Variants in LMX1B observed in about 807,000 individuals in gnomAD.
The protein encoded by LMX1B is LIM homeobox transcription factor 1 beta, also known as LIM homeobox transcription factor 1-beta.
A neutral mutation model predicts 51.4 loss-of-function variants in LMX1B; 12 were observed. That is an observed-to-expected ratio of 0.23 (90% CI 0.15 to 0.38). The LOEUF (loss-of-function observed/expected upper bound fraction) is 0.38. Among genes scored for constraint, LMX1B ranks in the 10% least tolerant of loss-of-function variants. LMX1B has a pLI of 1.00. For synonymous variants in LMX1B, 237 were observed against 235.4 expected, an observed-to-expected ratio of 1.01 and a Z score of -0.06; for missense variants, 445 against 571.1, an observed-to-expected ratio of 0.78 and a Z score of 2.25.
Position 126,693,654 on chromosome 9 carries a change from G to A in LMX1B, c.819+53G>A, listed in dbSNP as rs115842978. ...GCCCCGGGTAGGGTGGGACTAGAGGGGGCAGCCAGAAGACTACGGTCCAGG... is the reference window on the plus strand; with the variant it reads ...GCCCCGGGTAGGGTGGGACTAGAGGAGGCAGCCAGAAGACTACGGTCCAGG... On this transcript the variant is annotated intron_variant, in intron 5 of 7. Transcript: ENST00000373474. The A allele has an allele frequency of 9.0e-4, 1,448 of 1,610,112 alleles. 13 individuals carry two copies. The African/African-American group carries it at 0.017, about 19-fold the overall frequency.
chr9:126,623,585 C>T (rs1030405791), intron 2 of LMX1B, among the ~76,000 whole-genome samples: 1 of 152,218 alleles, frequency 6.6e-6, no homozygotes, highest in Non-Finnish European at 1.5e-5. Context: ...GATTTCCCCC[C>T]CAGGCGGGTC....
rs1185866012 is a variant in LMX1B, at chr9:126,641,296, C to T, written c.326+25727C>T. On this transcript the variant is annotated intron_variant, in intron 2 of 7. Coordinates refer to ENST00000373474, the MANE Select transcript of LMX1B (RefSeq NM_001174147.2). The surrounding 1 kb of genome is among the most constrained non-coding windows in gnomAD (Gnocchi z 4.1). ...AATTAAAGCTGCTGTTGACTGAACA[C>T]TCTCTGTGTGCTGAGCACTGTACTA... 1 of 152,282 alleles carries T rather than the reference C, an allele frequency of 6.6e-6. No individual in the cohort carries two copies. The highest frequency in any genetic ancestry group is 1.9e-4 in the East Asian group (1 of 5,196). The allele number at this position is 152,282 out of a possible 1,614,324, so 9.4% of individuals were successfully genotyped here.
intron 2 of LMX1B, among the ~76,000 whole-genome samples, chr9:126,674,391 G>C (rs542175326): frequency 3.3e-5 from 5 of 152,182 alleles, no homozygotes; most frequent in South Asian, 4.1e-4. Context: ...GAGGAGGCTG[G>C]GGGGGCATTC....
chr9:126,669,765 T>G (rs3904170), intron 2 of LMX1B, among the ~76,000 whole-genome samples: 151,746 of 152,222 alleles, frequency 1, 75,637 homozygotes, highest in East Asian at 1. Context: ...GATGAGGGCT[T>G]GGGTCAGTTG....
At position 126,671,690 on chromosome 9, in the gene LMX1B, C is replaced by T. The variant is rs546001778; in HGVS notation, c.327-19146C>T. On this transcript the variant is annotated intron_variant, in intron 2 of 7. Transcript: ENST00000373474. The surrounding 1 kb of genome is among the most constrained non-coding windows in gnomAD (Gnocchi z 4.4). ...GTCAGCGGGCCTGCCCTGTGCCGAG[C>T]GGTGGAATTTTTCAATAACCAGCAG... is the stretch of plus-strand genomic sequence containing the variant. Among the ~76,000 whole-genome samples, 144 of 152,166 alleles carry T rather than the reference C, an allele frequency of 9.5e-4. No individual in the cohort carries two copies. The highest frequency in any genetic ancestry group is 1.6e-3 in the Non-Finnish European group (111 of 67,986).
chr9:126,657,114 A>C lies in LMX1B; in HGVS notation c.327-33722A>C, dbSNP rs543116572. On this transcript the variant is annotated intron_variant, in intron 2 of 7. Coordinates refer to ENST00000373474, the MANE Select transcript of LMX1B (RefSeq NM_001174147.2). ...TAAGCAGCACTTGTGCAATTTTTTC[A>C]ATATTTTATTGCATTTTGTTCTGAG... Among the ~76,000 whole-genome samples the C allele has an allele frequency of 6.6e-5, 10 of 152,336 alleles. No individual in the cohort carries two copies. In the South Asian group the frequency reaches 2.1e-3, roughly 32 times the overall value.
In LMX1B at chr9:126,693,137, C is replaced by A. The variant is rs759096806; in HGVS notation, c.560-5C>A. 1 of 1,565,936 alleles carries A rather than the reference C, an allele frequency of 6.4e-7. No homozygotes were observed. The highest frequency in any genetic ancestry group is 1.9e-5 in the Admixed American group (1 of 52,754). ...TCATCACAGGCCGGGTTGTGTCCCC[C>A]ACAGTGAAGAGCGAGGATGAAGATG... is the stretch of plus-strand genomic sequence containing the variant. On this transcript the variant is annotated splice_region_variant and splice_polypyrimidine_tract_variant and intron_variant, in intron 3 of 7. Transcript: ENST00000373474.
chr9:126,627,900 C>T (rs144899999), intron 2 of LMX1B, among the ~76,000 whole-genome samples: 397 of 152,276 alleles, frequency 2.6e-3, no homozygotes, highest in Non-Finnish European at 4.4e-3. Context: ...AGAACCCTCT[C>T]CCAGACTCTG....
rs1461978294 is a variant in LMX1B at position 126,671,607 on chromosome 9, C to A, written c.327-19229C>A. ...CCCCAGACGGGGCACTGCTCCAGGC[C>A]GGCTCTGGCTCTCTAATCCTGTATC... is the stretch of plus-strand genomic sequence containing the variant. On this transcript the variant is annotated intron_variant, in intron 2 of 7. Coordinates refer to ENST00000373474, the MANE Select transcript of LMX1B (RefSeq NM_001174147.2). This position sits in a 1 kb window ranked among gnomAD's most constrained non-coding sequence, Gnocchi z 4.4. Among the ~76,000 whole-genome samples the A allele has an allele frequency of 2.6e-5, 4 of 152,226 alleles. No homozygotes were observed. The highest frequency in any genetic ancestry group is 9.6e-5 in the African/African-American group (4 of 41,460).
intron 2 of LMX1B, among the ~76,000 whole-genome samples, chr9:126,638,559 A>G (rs928662701): frequency 6.6e-6 from 1 of 152,200 alleles, no homozygotes; most frequent in African/African-American, 2.4e-5. Flanking sequence ...TCTGGGGCTG[A>G]CAGCGGAGCG....
chr9:126,624,075 C>A (rs756558026), intron 2 of LMX1B, among the ~76,000 whole-genome samples: 2 of 152,254 alleles, frequency 1.3e-5, no homozygotes, highest in Non-Finnish European at 2.9e-5. Flanking sequence ...CTCTAATACG[C>A]GCACACGGTC....
intron 2 of LMX1B, among the ~76,000 whole-genome samples, chr9:126,689,905 G>C (rs1270597474): frequency 6.6e-6 from 1 of 152,222 alleles, no homozygotes; most frequent in Non-Finnish European, 1.5e-5. Context: ...GTTGTTGCAA[G>C]GATTAAATGC....
At chr9:126,690,610 G>C (rs548077756) in intron 2 of LMX1B, among the ~76,000 whole-genome samples, 2 of 152,214 alleles carry the variant, frequency 1.3e-5, no homozygotes, top group Non-Finnish European at 2.9e-5. Flanking sequence ...CGGGACAGGT[G>C]ACTCTAGGCA....
chr9:126,658,501 T>C lies in LMX1B; in HGVS notation c.327-32335T>C, dbSNP rs954313464. 7.9e-5 allele frequency among the ~76,000 whole-genome samples: 12 copies of C among 152,126 alleles called. No individual in the cohort carries two copies. The highest frequency in any genetic ancestry group is 2.9e-4 in the African/African-American group (12 of 41,418). On this transcript the variant is annotated intron_variant, in intron 2 of 7. Transcript: ENST00000373474. The surrounding 1 kb of genome is among the most constrained non-coding windows in gnomAD (Gnocchi z 4.0). ...TTAGATTTGGGAAGGACTAATTAGA[T>C]ATAATTCATTATCCTCAAAAATGAG...
rs1026044746 is a variant in LMX1B at position 126,618,261 on chromosome 9, C to T, written c.326+2692C>T. ...CACCCCTGGCTGAGTTGCAGGGCTC[C>T]GTCCTTAAAAAGAGGTTGCCATTTT... On this transcript the variant is annotated intron_variant, in intron 2 of 7. Coordinates refer to ENST00000373474, the MANE Select transcript of LMX1B (RefSeq NM_001174147.2). This position sits in a 1 kb window ranked among gnomAD's most constrained non-coding sequence, Gnocchi z 4.5. 6.6e-6 allele frequency among the ~76,000 whole-genome samples: 1 copy of T among 152,120 alleles called. No individual in the cohort carries two copies. The highest frequency in any genetic ancestry group is 6.5e-5 in the Admixed American group (1 of 15,286).
chr9:126,678,099 T>C (rs1213450905), intron 2 of LMX1B, among the ~76,000 whole-genome samples: 1 of 151,864 alleles, frequency 6.6e-6, no homozygotes, highest in Admixed American at 6.6e-5. Context: ...TCACTTGAGG[T>C]TGGGAGTTTG....
intron 2 of LMX1B, among the ~76,000 whole-genome samples, chr9:126,636,693 G>A (rs756888064): frequency 4.6e-5 from 7 of 152,200 alleles, no homozygotes; most frequent in East Asian, 1.9e-4. Context: ...ACACGTGTGC[G>A]TAGGTGTGTG....
chr9:126,630,161 C>CAAA lies in LMX1B; in HGVS notation c.326+14609_326+14611dup, dbSNP rs386416246. 7.1e-3 allele frequency among the ~76,000 whole-genome samples: 591 copies of CAAA among 83,400 alleles called. 26 individuals are homozygous for CAAA. The highest frequency in any genetic ancestry group is 9.9e-3 in the Non-Finnish European group (448 of 45,074). 54.7% of individuals were successfully genotyped at this position (83,400 alleles called of 152,430 possible). A position where few individuals can be genotyped will look rare whatever the true frequency, so the allele number is the denominator to read the frequency against. ...TGGGCGACAGAGCAAGACTCCGTCTCAAAAAAAAAAAAAAAAAAAGCACTA... is the reference window on the plus strand; with the variant it reads ...TGGGCGACAGAGCAAGACTCCGTCTCAAAAAAAAAAAAAAAAAAAAAAGCACTA... On this transcript the variant is annotated intron_variant, in intron 2 of 7. Coordinates refer to ENST00000373474, the MANE Select transcript of LMX1B (RefSeq NM_001174147.2).
At chr9:126,679,897 C>T (rs1195031257) in intron 2 of LMX1B, among the ~76,000 whole-genome samples, 1 of 152,212 alleles carries the variant, frequency 6.6e-6, no homozygotes, top group African/African-American at 2.4e-5. Context: ...ATCCTCTGAA[C>T]TCTTTGAAGT....
Sources: gnomAD v4.1 joint callset for allele counts (sites outside exome capture counted in the v4.1 genomes callset) on GRCh38, gnomAD v4.1.1 for gene constraint, Gnocchi (gnomAD v3.1) non-coding constraint, MANE v1.5 for transcripts, NCBI Gene and HGNC (gene_info 2026-07-23, HGNC 2026-07-21) for gene names.